The following POU6F2 variants were observed in gnomAD, a reference collection of about 807,000 sequenced individuals.
POU6F2 encodes POU domain, class 6, transcription factor 2.
A neutral mutation model predicts 71.3 loss-of-function variants in POU6F2; 31 were observed. The ratio of observed to expected loss-of-function variants is 0.43; its 90% CI spans 0.33 to 0.59. The LOEUF is 0.59. Ranked by LOEUF, POU6F2 falls within the 20% of genes least tolerant of loss-of-function variation. The pLI, the probability that POU6F2 is intolerant of heterozygous loss-of-function variation, is 0.04. For missense variants in POU6F2, 783 were observed against 856.8 expected (o/e 0.91, Z 1.07); for synonymous variants, 347 against 355.7 (o/e 0.98, Z 0.27).
intron 5 of POU6F2, among the ~76,000 whole-genome samples, chr7:39,356,987 T>C (rs1194318636): frequency 2.6e-5 from 4 of 152,212 alleles, no homozygotes; most frequent in Non-Finnish European, 5.9e-5. Flanking sequence ...CCCTACCATC[T>C]CAATAACACA....
At chr7:39,128,245 T>TA (rs1207356391) in intron 2 of POU6F2, among the ~76,000 whole-genome samples, 2 of 152,168 alleles carry the variant, frequency 1.3e-5, no homozygotes, top group African/African-American at 2.4e-5. Context: ...CTTTTATATT[T>TA]TAAAAAATTT....
chr7:39,260,986 A>G (rs1215506776), intron 4 of POU6F2, among the ~76,000 whole-genome samples: 1 of 151,568 alleles, frequency 6.6e-6, no homozygotes, highest in Non-Finnish European at 1.5e-5. Context: ...TTCATATCAC[A>G]CACACATCAC....
At chr7:39,005,469 G>C (rs1036996102) in intron 1 of POU6F2, among the ~76,000 whole-genome samples, 1 of 55,538 alleles carries the variant, frequency 1.8e-5, no homozygotes, top group Non-Finnish European at 5.1e-5. Flanking sequence ...ATGCTTTCTG[G>C]GGAAAGGGAG....
intron 8 of POU6F2, among the ~76,000 whole-genome samples, chr7:39,451,918 G>A (rs1234509033): frequency 6.6e-6 from 1 of 152,186 alleles, no homozygotes; most frequent in East Asian, 1.9e-4. Context: ...CACACTCCCT[G>A]AATTAGTGGC....
At chr7:39,434,374 T>C (rs945865107) in intron 7 of POU6F2, among the ~76,000 whole-genome samples, 97 of 152,164 alleles carry the variant, frequency 6.4e-4, no homozygotes, top group Non-Finnish European at 6.3e-4. Context: ...ACACTACATA[T>C]CATCTTTGTG....
intron 5 of POU6F2, among the ~76,000 whole-genome samples, chr7:39,356,415 T>C (rs916661438): frequency 6.6e-6 from 1 of 152,230 alleles, no homozygotes; most frequent in Non-Finnish European, 1.5e-5. Flanking sequence ...GCTCCTTCCA[T>C]GAAGTGCCCA....
chr7:39,006,080 G>C (rs1449959100), intron 1 of POU6F2, among the ~76,000 whole-genome samples: 1 of 152,160 alleles, frequency 6.6e-6, no homozygotes. Context: ...ACATGATAAG[G>C]GGTAAGGGGC....
intron 1 of POU6F2, among the ~76,000 whole-genome samples, chr7:39,039,879 C>T (rs73697925): frequency 0.074 from 10,985 of 148,498 alleles, 562 homozygotes; most frequent in African/African-American, 0.14. Flanking sequence ...GGTGTGATAT[C>T]GGATTAGGTA....
chr7:39,194,809 A>G (rs1793749177), intron 2 of POU6F2, among the ~76,000 whole-genome samples: 1 of 152,194 alleles, frequency 6.6e-6, no homozygotes, highest in Non-Finnish European at 1.5e-5. Context: ...TCACTCCTTA[A>G]GTCAGCGAGA....
intron 5 of POU6F2, among the ~76,000 whole-genome samples, chr7:39,368,907 G>A (rs2115743380): frequency 6.6e-6 from 1 of 152,300 alleles, no homozygotes; most frequent in South Asian, 2.1e-4. Flanking sequence ...GAATGACTTT[G>A]TGGGGTTCAA....
At chr7:39,192,783 C>CA in intron 2 of POU6F2, among the ~76,000 whole-genome samples, 1 of 151,958 alleles carries the variant, frequency 6.6e-6, no homozygotes, top group East Asian at 1.9e-4. Context: ...GAGTCTACTG[C>CA]AAATGTCTGA....
chr7:39,289,623 GATC>G (rs1784714121), intron 4 of POU6F2, among the ~76,000 whole-genome samples: 1 of 152,148 alleles, frequency 6.6e-6, no homozygotes, highest in Non-Finnish European at 1.5e-5. Context: ...TGTAGCTCTT[GATC>G]ATTCAACAAC....
intron 4 of POU6F2, among the ~76,000 whole-genome samples, chr7:39,287,232 C>T (rs1045198532): frequency 3.3e-5 from 5 of 152,162 alleles, no homozygotes; most frequent in African/African-American, 9.7e-5. Flanking sequence ...CTCAAACCAG[C>T]TCATCGAATA....
chr7:39,290,234 C>G (rs1216931567), intron 4 of POU6F2, among the ~76,000 whole-genome samples: 1 of 152,184 alleles, frequency 6.6e-6, no homozygotes, highest in Non-Finnish European at 1.5e-5. Flanking sequence ...ACTCCTTCCC[C>G]AGGGCTACTT....
chr7:39,113,720 G>A (rs1337198121), intron 2 of POU6F2, among the ~76,000 whole-genome samples: 2 of 152,112 alleles, frequency 1.3e-5, no homozygotes, highest in Non-Finnish European at 2.9e-5. Context: ...TTTAGTTTCT[G>A]CAAACCAGGA....
chr7:39,390,637 A>C (rs1787049107), intron 5 of POU6F2, among the ~76,000 whole-genome samples: 1 of 152,206 alleles, frequency 6.6e-6, no homozygotes, highest in African/African-American at 2.4e-5. Context: ...GAGAAAAGCC[A>C]AGGTGGATTA....
At chr7:39,267,640 AT>A (rs200632650) in intron 4 of POU6F2, among the ~76,000 whole-genome samples, 194 of 148,664 alleles carry the variant, frequency 1.3e-3, no homozygotes, top group African/African-American at 3.4e-3. Context: ...TATTTTATTT[AT>A]TTTTTTTTTT....
intron 2 of POU6F2, among the ~76,000 whole-genome samples, chr7:39,123,015 C>CAGTT (rs1792076306): frequency 6.6e-6 from 1 of 152,114 alleles, no homozygotes; most frequent in Admixed American, 6.5e-5. Context: ...AACATGCCAC[C>CAGTT]AGTTACACAC....
intron 6 of POU6F2, among the ~76,000 whole-genome samples, chr7:39,426,016 C>A (rs1479792074): frequency 1.3e-5 from 2 of 152,216 alleles, no homozygotes; most frequent in African/African-American, 4.8e-5. Context: ...ACAGTCCCAG[C>A]TGCAACCCTA....
Sources: gnomAD v4.1 joint callset for allele counts (sites outside exome capture counted in the v4.1 genomes callset) on GRCh38, gnomAD v4.1.1 for gene constraint, MANE v1.5 for transcripts, NCBI Gene and HGNC (gene_info 2026-07-23, HGNC 2026-07-21) for gene names.